Variants in PKP2 observed in about 807,000 individuals in gnomAD.
PKP2 encodes plakophilin 2, also known as plakophilin-2.
In PKP2, 73 loss-of-function variants were observed where a neutral mutation model predicts 83.4. The observed-to-expected ratio is 0.88, with a 90% CI of 0.72 to 1.06. PKP2 has a LOEUF of 1.06. Among genes scored for constraint, PKP2 ranks in the 50% least tolerant of loss-of-function variants. The pLI is 0.00. For synonymous variants in PKP2, 409 were observed against 430.4 expected (o/e 0.95, Z 0.62); for missense variants, 966 against 1,065.4 (o/e 0.91, Z 1.30).
intron 1 of PKP2, among the ~76,000 whole-genome samples, chr12:32,886,391 TG>T (rs1393168996): frequency 6.6e-6 from 1 of 152,220 alleles, no homozygotes; most frequent in Non-Finnish European, 1.5e-5. Context: ...CATATTTGAA[TG>T]GATCCTTAAA....
At chr12:32,847,416 T>C (rs1956656731) in intron 5 of PKP2, among the ~76,000 whole-genome samples, 1 of 152,240 alleles carries the variant, frequency 6.6e-6, no homozygotes, top group Non-Finnish European at 1.5e-5. Context: ...GATGATCTAA[T>C]GATGCCTGAA....
intron 10 of PKP2, among the ~76,000 whole-genome samples, chr12:32,796,627 C>T (rs999512171): frequency 6.6e-6 from 1 of 152,036 alleles, no homozygotes; most frequent in African/African-American, 2.4e-5. Flanking sequence ...TCTCGATCTC[C>T]TGACCTCGTG....
chr12:32,843,744 T>C (rs1265376224), intron 5 of PKP2, among the ~76,000 whole-genome samples: 1 of 152,198 alleles, frequency 6.6e-6, no homozygotes, highest in Non-Finnish European at 1.5e-5. Context: ...AATGACTTCA[T>C]TCCTCCTGCT....
intron 1 of PKP2, among the ~76,000 whole-genome samples, chr12:32,887,615 C>T (rs891869156): frequency 6.6e-6 from 1 of 152,096 alleles, no homozygotes; most frequent in Admixed American, 6.6e-5. Flanking sequence ...ACCATGCTGA[C>T]TAATTTTTGT....
At chr12:32,855,270 T>C (rs568267941) in intron 4 of PKP2, among the ~76,000 whole-genome samples, 4 of 152,276 alleles carry the variant, frequency 2.6e-5, no homozygotes, top group East Asian at 3.9e-4. Context: ...CATACCCACA[T>C]GTTGAGGTAT....
rs1189037360 is a variant in PKP2 at position 32,869,075 on chromosome 12, G to A, written c.1035-13C>T. 4 of 1,613,558 alleles carry A rather than the reference G, an allele frequency of 2.5e-6. No individual in the cohort carries two copies. The highest frequency in any genetic ancestry group is 3.4e-6 in the Non-Finnish European group (4 of 1,179,992). Reference sequence around the variant, plus strand: ...CATGTCTGCATTCCTAGACAAACAGGCACAGATTCAGCCAGATTCCAAACC... The same window carrying A: ...CATGTCTGCATTCCTAGACAAACAGACACAGATTCAGCCAGATTCCAAACC... On this transcript the variant is annotated splice_polypyrimidine_tract_variant and intron_variant, in intron 3 of 12. Transcript: ENST00000340811.
intron 3 of PKP2, among the ~76,000 whole-genome samples, chr12:32,875,321 ATG>A (rs1164466601): frequency 1.3e-5 from 2 of 152,210 alleles, no homozygotes; most frequent in African/African-American, 4.8e-5. Flanking sequence ...AGAGCTGCAT[ATG>A]TAAAGGTGTG....
Position 32,816,615 on chromosome 12 carries a change from T to A in PKP2, c.2013+4741A>T, listed in dbSNP as rs376195017. 2.4e-4 allele frequency among the ~76,000 whole-genome samples: 36 copies of A among 152,310 alleles called. No homozygotes were observed. In the East Asian group the frequency reaches 4.0e-3, roughly 17 times the overall value. ...TTGGATATCTACTCAGTAATGGGAT[T>A]GCTGGGTGGAATGGTAGCTCTGTTT... On this transcript the variant is annotated intron_variant, in intron 9 of 12. Transcript: ENST00000340811.
At chr12:32,863,389 G>T in intron 4 of PKP2, 1 of 267,658 alleles carries the variant, frequency 3.7e-6, no homozygotes. Flanking sequence ...TCCTGCTAGA[G>T]CTATTGGACA....
chr12:32,806,995 T>A (rs937617880), intron 9 of PKP2, among the ~76,000 whole-genome samples: 3 of 152,204 alleles, frequency 2.0e-5, no homozygotes, highest in Admixed American at 1.3e-4. Context: ...GCTGTTCAAT[T>A]TCTATGTACT....
chr12:32,806,618 G>A (rs1329437720), intron 9 of PKP2, among the ~76,000 whole-genome samples: 2 of 151,278 alleles, frequency 1.3e-5, no homozygotes, highest in African/African-American at 2.4e-5. Flanking sequence ...TATTAGTCTA[G>A]CTAGTAGATC....
chr12:32,862,877 T>C (rs1299833135), intron 4 of PKP2, among the ~76,000 whole-genome samples: 1 of 151,994 alleles, frequency 6.6e-6, no homozygotes, highest in Non-Finnish European at 1.5e-5. Flanking sequence ...CGGGCACCTG[T>C]AATTCCAGCT....
At chr12:32,862,761 T>C (rs968338559) in intron 4 of PKP2, among the ~76,000 whole-genome samples, 1 of 151,998 alleles carries the variant, frequency 6.6e-6, no homozygotes, top group Non-Finnish European at 1.5e-5. Context: ...GTGGATCACT[T>C]TGAGAGGCGG....
chr12:32,893,911 CTTTTTTTTTTTTTTT>C (rs138765604), intron 1 of PKP2: 2 of 81,774 alleles, frequency 2.4e-5, no homozygotes, highest in African/African-American at 6.1e-5. Flanking sequence ...GAGTAACTTA[CTTTTTTTTTTTTTTT>C]TTTTTTTTTT....
At chr12:32,841,296 T>A in intron 5 of PKP2, 91 bp from the exon 6 acceptor site, 1 of 1,063,538 alleles carries the variant, frequency 9.4e-7, no homozygotes, top group Admixed American at 1.8e-5. Flanking sequence ...ACTCCAGGGC[T>A]ATGACTAGTC....
At chr12:32,817,525 C>G (rs192009998) in intron 9 of PKP2, among the ~76,000 whole-genome samples, 25 of 152,156 alleles carry the variant, frequency 1.6e-4, no homozygotes, top group Non-Finnish European at 2.9e-5. Context: ...GTTACTTATA[C>G]ATGTTGCAAA....
rs146689439 is a variant in PKP2, at chr12:32,823,153, G to A, written c.1675-522C>T. On this transcript the variant is annotated intron_variant, in intron 7 of 12. Coordinates refer to ENST00000340811, the MANE Select transcript of PKP2 (RefSeq NM_001005242.3). The stretch of plus-strand genomic sequence containing the variant: ...TTATAGTCCAGGTGCTGTGGCTCAC[G>A]CCTGTAATCCCAGCACTTTGGGAGG... Among the ~76,000 whole-genome samples the A allele has an allele frequency of 7.4e-3, 1,122 of 152,238 alleles. 20 individuals are homozygous for A. The highest frequency in any genetic ancestry group is 0.025 in the African/African-American group (1,032 of 41,546).
chr12:32,893,067 A>G (rs1957089187), intron 1 of PKP2, among the ~76,000 whole-genome samples: 1 of 152,228 alleles, frequency 6.6e-6, no homozygotes, highest in Non-Finnish European at 1.5e-5. Context: ...AAATAACACC[A>G]AAAGTCACTG....
chr12:32,821,774 A>G, intron 8 of PKP2: 1 of 472,554 alleles, frequency 2.1e-6, no homozygotes, highest in South Asian at 2.2e-5. Context: ...AGTGAGAGAA[A>G]ATTCAGAGAA....
Sources: gnomAD v4.1 joint callset for allele counts (sites outside exome capture counted in the v4.1 genomes callset) on GRCh38, gnomAD v4.1.1 for gene constraint, MANE v1.5 for transcripts, NCBI Gene and HGNC (gene_info 2026-07-23, HGNC 2026-07-21) for gene names.